TCEA2: variants seen among roughly 807,000 people sequenced by gnomAD.
TCEA2 encodes transcription elongation factor A2, also known as transcription elongation factor A protein 2.
Under a neutral mutation model 40.8 loss-of-function variants are expected in TCEA2, and 21 were observed. The observed-to-expected ratio is 0.51, with a 90% confidence interval of 0.36 to 0.74. The LOEUF (loss-of-function observed/expected upper bound fraction) is 0.74. Ranked by LOEUF, TCEA2 falls within the 30% of genes least tolerant of loss-of-function variation. The probability of loss-of-function intolerance (pLI) is 0.00; values close to 1 mark genes in which losing one functional copy is unlikely to be tolerated. For missense variants in TCEA2, 326 were observed against 426.5 expected (o/e 0.76, Z 2.08); for synonymous variants, 165 against 162.7 (o/e 1.01, Z -0.11).
In TCEA2 at chr20:64,066,926, C is replaced by G; in HGVS notation, c.147C>G (p.Val49=). 5.6e-6 allele frequency: 9 copies of G among 1,613,914 alleles called. No individual in the cohort carries two copies. The highest frequency in any genetic ancestry group is 7.6e-6 in the Non-Finnish European group (9 of 1,179,942). ...ITLHLLQSTR[V]GMSVNALRKQ... The stretch of plus-strand genomic sequence containing the variant: ...CACTTGCCTCGTAGTCCACCCGAGT[C>G]GGGATGTCTGTCAACGCCCTTCGGA... Residue 49 remains valine (V), a synonymous_variant, in exon 3 of 10, where the codon GTC becomes GTG. Transcript: ENST00000343484.
At chr20:64,068,678 G>A (rs1208366609) in intron 4 of TCEA2, among the ~76,000 whole-genome samples, 1 of 152,266 alleles carries the variant, frequency 6.6e-6, no homozygotes, top group Non-Finnish European at 1.5e-5. Context: ...ACCACACTGG[G>A]TTGTGGTGAC....
chr20:64,058,301 C>T (rs746552658), upstream of TCEA2, among the ~76,000 whole-genome samples: 5 of 152,236 alleles, frequency 3.3e-5, no homozygotes, highest in Non-Finnish European at 5.9e-5. This position sits in a 1 kb window ranked among gnomAD's most constrained non-coding sequence, Gnocchi z 6.7. Flanking sequence ...AATGCAGCCC[C>T]GTAGGCTGGG....
At chr20:64,070,234 C>G (rs780871414) in intron 6 of TCEA2, 26 bp from the exon 7 acceptor site, 1 of 1,612,462 alleles carries the variant, frequency 6.2e-7, no homozygotes, top group Non-Finnish European at 8.5e-7. Context: ...ACGTTGTCCT[C>G]AGGTGGGTCC....
upstream of TCEA2, among the ~76,000 whole-genome samples, chr20:64,060,055 T>C (rs2059532337): frequency 1.3e-5 from 2 of 152,310 alleles, no homozygotes. Context: ...CACAGCCTCC[T>C]CTGGCAGCTC....
chr20:64,063,072 G>A (rs2059601758), upstream of TCEA2: 2 of 265,144 alleles, frequency 7.5e-6, no homozygotes, highest in Non-Finnish European at 1.4e-5. Flanking sequence ...CGCGCCGCGT[G>A]GCGCCTGGGA....
rs528829139 is a variant in TCEA2 at position 64,071,920 on chromosome 20, C to T, written c.870C>T (p.Asn290=). The change falls in exon 9 of 10, where the codon AAC becomes AAT. Residue 290 remains asparagine (N), a synonymous_variant. Transcript: ENST00000343484. The stretch of plus-strand genomic sequence containing the variant: ...CCATGACCACCTTTGTTGTCTGCAA[C>T]GAGTGTGGAAACCGCTGGAAGGTGG... ...DEPMTTFVVC[N]ECGNRWKFC The T allele has an allele frequency of 1.4e-5, 22 of 1,614,148 alleles. 1 individual carries two copies. Among genetic ancestry groups the T allele is most frequent in the Middle Eastern group, 1.7e-4 (1 of 6,058 alleles).
intron 1 of TCEA2, among the ~76,000 whole-genome samples, chr20:64,065,187 G>A (rs1235135156): frequency 6.6e-6 from 1 of 152,160 alleles, no homozygotes; most frequent in Non-Finnish European, 1.5e-5. Context: ...GTAAGCAGGT[G>A]CAGGGCTTTC....
Position 64,063,380 on chromosome 20 carries a change from G to C in TCEA2, c.68G>C (p.Ser23Thr), listed in dbSNP as rs774793941. Residue 23 changes from serine (S) to threonine (T), a missense_variant, in exon 1 of 10, where the codon AGC (serine) becomes ACC (threonine). By Grantham distance (58) the Ser-to-Thr change is moderately conservative (BLOSUM62 1). Coordinates refer to ENST00000343484, the MANE Select transcript of TCEA2 (RefSeq NM_003195.6). ...RRLDKMVTKKSAEGAMDLLRE... is the reference protein window; with the variant it reads ...RRLDKMVTKKTAEGAMDLLRE... The stretch of plus-strand genomic sequence containing the variant: ...CTGGACAAGATGGTGACCAAGAAGA[G>C]CGCGGTGAGGGGCGCGGGCCGCCAG... 6.2e-5 allele frequency: 96 copies of C among 1,546,834 alleles called. No individual in the cohort carries two copies. Among genetic ancestry groups the C allele is most frequent in the Non-Finnish European group, 7.2e-5 (82 of 1,146,394 alleles).
In TCEA2 at chr20:64,070,356, G is replaced by A. The variant is rs2059800846; in HGVS notation, c.614G>A (p.Arg205Gln). The change falls in exon 7 of 10, where the codon CGG becomes CAG. Residue 205 changes from arginine (R) to glutamine (Q), a missense_variant. By Grantham distance (43) the Arg-to-Gln change is conservative (BLOSUM62 1). Coordinates refer to ENST00000343484, the MANE Select transcript of TCEA2 (RefSeq NM_003195.6). The part of the protein sequence containing the change: ...NLKDAKNPDL[R>Q]RNVLCGAITP... ...AAGGATGCCAAGAACCCTGACCTGC[G>A]GCGGAATGTGCTGTGTGGGGCCATA... The A allele has an allele frequency of 6.2e-6, 10 of 1,614,102 alleles. No individual in the cohort carries two copies. Among genetic ancestry groups the A allele is most frequent in the African/African-American group, 1.3e-5 (1 of 74,950 alleles).
At chr20:64,068,173 C>G in intron 4 of TCEA2, 39 bp downstream of exon 4, 1 of 1,546,406 alleles carries the variant, frequency 6.5e-7, no homozygotes, top group East Asian at 2.3e-5. Context: ...ACTTCTGCTT[C>G]CCAGCCTGTT....
At chr20:64,056,716 A>C (rs2059477209), upstream of TCEA2, 1 of 152,280 alleles carries the variant, frequency 6.6e-6, no homozygotes, top group South Asian at 2.1e-4. Context: ...GGCAGGGGAC[A>C]CAAATAGAAA....
At chr20:64,071,741 C>G (rs962704285) in intron 8 of TCEA2, 129 bp from the exon 9 acceptor site, 1 of 1,056,980 alleles carries the variant, frequency 9.5e-7, no homozygotes, top group East Asian at 2.6e-5. Flanking sequence ...GTTGGAGTCA[C>G]GAGGCGGCCT....
chr20:64,069,990 C>A, intron 6 of TCEA2, 169 bp downstream of exon 6: 1 of 937,254 alleles, frequency 1.1e-6, no homozygotes, highest in Non-Finnish European at 1.7e-6. Flanking sequence ...AGGAGGGCCC[C>A]CGGACCAGCT....
At position 64,070,491 on chromosome 20, in the gene TCEA2, G is replaced by A; in HGVS notation, c.675G>A (p.Glu225=). The change falls in exon 8 of 10, where the codon GAG becomes GAA. Residue 225 remains glutamate (E), a splice_region_variant and synonymous_variant. Transcript: ENST00000343484. ...AAGCCACTGGCCCCGTGCTCCAGGA[G>A]ATGGCCAGTGATGAGCTGAAGGAGA... ...PQQIAVMTSE[E]MASDELKEIR... 1 of 1,613,746 alleles carries A rather than the reference G, an allele frequency of 6.2e-7. No homozygotes were observed. Among genetic ancestry groups the A allele is most frequent in the South Asian group, 1.1e-5 (1 of 91,090 alleles).
intron 8 of TCEA2, 155 bp from the exon 9 acceptor site, chr20:64,071,715 G>A: frequency 1.3e-6 from 1 of 760,746 alleles, no homozygotes. Context: ...CTCCCCCGGA[G>A]GCTCAGCTTT....
At chr20:64,070,171 G>GC in intron 6 of TCEA2, 89 bp from the exon 7 acceptor site, 1 of 1,567,344 alleles carries the variant, frequency 6.4e-7, no homozygotes, top group Non-Finnish European at 8.7e-7. Context: ...AACCTTTCCA[G>GC]CCCCCACCCC....
intron 4 of TCEA2, among the ~76,000 whole-genome samples, chr20:64,069,013 G>T (rs1366293569): frequency 6.6e-6 from 1 of 152,260 alleles, no homozygotes; most frequent in East Asian, 1.9e-4. Context: ...GGCCCAGTGG[G>T]TGGGCACCCC....
intron 1 of TCEA2, among the ~76,000 whole-genome samples, chr20:64,057,931 C>T (rs757531183): frequency 1.6e-4 from 25 of 152,258 alleles, no homozygotes; most frequent in South Asian, 1.4e-3. Flanking sequence ...CCCACCCGTC[C>T]GTGGCTCACT....
intron 8 of TCEA2, 112 bp downstream of exon 8, chr20:64,070,747 C>A (rs1569255748): frequency 7.1e-7 from 1 of 1,405,854 alleles, no homozygotes; most frequent in Non-Finnish European, 9.4e-7. Context: ...TCCCGAGCCT[C>A]TCAGTCCCTG....
Sources: gnomAD v4.1 joint callset for allele counts (sites outside exome capture counted in the v4.1 genomes callset) on GRCh38, gnomAD v4.1.1 for gene constraint, Gnocchi (gnomAD v3.1) non-coding constraint, MANE v1.5 for transcripts, NCBI Gene and HGNC (gene_info 2026-07-23, HGNC 2026-07-21) for gene names.